Variants in DLGAP2 observed in about 807,000 individuals in gnomAD.
The protein encoded by DLGAP2 is DLG associated protein 2.
In DLGAP2, 26 loss-of-function variants were observed where a neutral mutation model predicts 100.3. That is an observed-to-expected ratio of 0.26 (90% confidence interval 0.19 to 0.36). DLGAP2 has a LOEUF of 0.36. DLGAP2 is among the 10% of genes least tolerant of loss of function. The pLI is 1.00. For missense variants in DLGAP2, 1,858 were observed against 1,453.2 expected (o/e 1.28, Z -4.53); for synonymous variants, 886 against 630.1 (o/e 1.41, Z -6.08).
At chr8:1,502,356 T>A (rs1280624072) in intron 4 of DLGAP2, among the ~76,000 whole-genome samples, 1 of 152,264 alleles carries the variant, frequency 6.6e-6, no homozygotes, top group Non-Finnish European at 1.5e-5. Context: ...TGGTTTGATT[T>A]GCCTAAAGAA....
chr8:989,101 T>G (rs1016252546), intron 2 of DLGAP2, among the ~76,000 whole-genome samples: 2 of 152,190 alleles, frequency 1.3e-5, no homozygotes, highest in African/African-American at 4.8e-5. Flanking sequence ...GCCTCCATTG[T>G]GACGACCGCA....
intron 2 of DLGAP2, among the ~76,000 whole-genome samples, chr8:1,203,770 T>C (rs888973402): frequency 2.6e-5 from 4 of 152,200 alleles, no homozygotes; most frequent in Admixed American, 1.3e-4. Flanking sequence ...ATCACTGTTA[T>C]TCTAATGCAG....
chr8:866,540 G>A (rs1267063383), intron 1 of DLGAP2, among the ~76,000 whole-genome samples: 2 of 152,074 alleles, frequency 1.3e-5, no homozygotes, highest in African/African-American at 4.8e-5. Flanking sequence ...TGGCCTGTCA[G>A]TTGATTCTGA....
chr8:1,435,697 C>T (rs1197258768), intron 3 of DLGAP2, among the ~76,000 whole-genome samples: 3 of 151,554 alleles, frequency 2.0e-5, no homozygotes, highest in East Asian at 2.0e-4. Context: ...AGGAGGTGTC[C>T]GGAAGAAGGC....
chr8:1,281,478 A>C (rs1055410907), intron 3 of DLGAP2, among the ~76,000 whole-genome samples: 1 of 152,150 alleles, frequency 6.6e-6, no homozygotes, highest in Non-Finnish European at 1.5e-5. Flanking sequence ...TCCCCTGGGC[A>C]CAGGCTGAAC....
At chr8:1,066,833 G>A (rs538594242) in intron 2 of DLGAP2, among the ~76,000 whole-genome samples, 36 of 152,340 alleles carry the variant, frequency 2.4e-4, no homozygotes, top group African/African-American at 7.9e-4. Flanking sequence ...AGACCCTGAT[G>A]GGACGTGGGA....
At chr8:1,464,020 A>C (rs1798534648) in intron 3 of DLGAP2, among the ~76,000 whole-genome samples, 1 of 152,246 alleles carries the variant, frequency 6.6e-6, no homozygotes, top group Non-Finnish European at 1.5e-5. Flanking sequence ...CCAAAGTATC[A>C]TGGGAAAAAA....
rs1344955350 is a variant in DLGAP2, at chr8:750,128, T to C, written c.18+12303T>C. 4.6e-5 allele frequency among the ~76,000 whole-genome samples: 7 copies of C among 152,348 alleles called. No homozygotes were observed. The East Asian group carries it at 1.3e-3, about 29-fold the overall frequency. On this transcript the variant is annotated intron_variant, in intron 1 of 14. Transcript: ENST00000637795. ...CGCTCACATTCCTGGGTGGAAGGGC[T>C]TTTCCTGGGTCTCCCTAGGGCCGGT... is the stretch of plus-strand genomic sequence containing the variant.
At chr8:1,645,421 G>A (rs1798018174) in intron 8 of DLGAP2, among the ~76,000 whole-genome samples, 1 of 152,212 alleles carries the variant, frequency 6.6e-6, no homozygotes, top group Non-Finnish European at 1.5e-5. Context: ...AGTAGGCTGG[G>A]CTAAGTTACG....
chr8:1,089,100 C>G lies in DLGAP2; in HGVS notation c.74-169751C>G, dbSNP rs201049663. ...CCCTCGTCCAGCAGGCTATGCAATT[C>G]TTGCTCCCCGGCCTCACTCTCTCCA... On this transcript the variant is annotated intron_variant, in intron 2 of 14. Transcript: ENST00000637795. Among the ~76,000 whole-genome samples the G allele has an allele frequency of 4.1e-4, 47 of 113,964 alleles. 11 individuals are homozygous for G. The highest frequency in any genetic ancestry group is 6.6e-4 in the African/African-American group (18 of 27,078). 74.8% of individuals were successfully genotyped at this position (113,964 alleles called of 152,430 possible). A position where few individuals can be genotyped will look rare whatever the true frequency, so the allele number is the denominator to read the frequency against.
chr8:1,563,287 G>C (rs1423502919), intron 5 of DLGAP2, among the ~76,000 whole-genome samples: 3 of 53,092 alleles, frequency 5.7e-5, no homozygotes, highest in Admixed American at 2.3e-4. Flanking sequence ...CTCGTTGCTG[G>C]GGGACTGTGT....
intron 4 of DLGAP2, among the ~76,000 whole-genome samples, chr8:1,511,431 G>A (rs1232754702): frequency 1.7e-4 from 22 of 130,688 alleles, no homozygotes; most frequent in South Asian, 5.3e-4. Flanking sequence ...AGGACAATCA[G>A]TAGATGACCA....
intron 2 of DLGAP2, among the ~76,000 whole-genome samples, chr8:1,236,219 T>C (rs1351528277): frequency 2.2e-5 from 2 of 91,918 alleles, no homozygotes; most frequent in Admixed American, 2.4e-4. Flanking sequence ...CATGGCGCCG[T>C]GTCTAGTTCT....
At chr8:1,563,174 G>A (rs1802243816) in intron 5 of DLGAP2, among the ~76,000 whole-genome samples, 1 of 66,522 alleles carries the variant, frequency 1.5e-5, no homozygotes, top group Non-Finnish European at 3.0e-5. Context: ...CGTTACTGGG[G>A]GGCTGTGTGG....
intron 2 of DLGAP2, among the ~76,000 whole-genome samples, chr8:1,150,262 A>C (rs1006663445): frequency 1.1e-4 from 16 of 152,210 alleles, no homozygotes; most frequent in African/African-American, 3.4e-4. Context: ...GTAAGTTGGC[A>C]GTTATCTGTT....
intron 1 of DLGAP2, among the ~76,000 whole-genome samples, chr8:795,002 A>C (rs1795994479): frequency 6.6e-6 from 1 of 152,128 alleles, no homozygotes; most frequent in African/African-American, 2.4e-5. Flanking sequence ...CCCTGTTTTG[A>C]GGTCCTCCAT....
At chr8:969,204 C>G (rs984298614) in intron 2 of DLGAP2, among the ~76,000 whole-genome samples, 1 of 152,212 alleles carries the variant, frequency 6.6e-6, no homozygotes, top group Non-Finnish European at 1.5e-5. Context: ...TCCACCAAGT[C>G]TGAGAGAATT....
chr8:1,604,795 A>G (rs911946346), intron 6 of DLGAP2: 1 of 151,818 alleles, frequency 6.6e-6, no homozygotes. Context: ...GAAAAAAGCA[A>G]TGTACTTGTT....
chr8:1,389,435 C>G (rs944663678), intron 3 of DLGAP2, among the ~76,000 whole-genome samples: 2 of 152,162 alleles, frequency 1.3e-5, no homozygotes, highest in Non-Finnish European at 2.9e-5. Context: ...CGGGAGTTGA[C>G]AAGGGGCCCT....
Sources: gnomAD v4.1 joint callset for allele counts (sites outside exome capture counted in the v4.1 genomes callset) on GRCh38, gnomAD v4.1.1 for gene constraint, MANE v1.5 for transcripts, NCBI Gene and HGNC (gene_info 2026-07-23, HGNC 2026-07-21) for gene names.